SLC26A2: variants seen among roughly 807,000 people sequenced by gnomAD.
SLC26A2 encodes solute carrier family 26 member 2.
SLC26A2 carries 36 observed loss-of-function variants against 41.1 expected under a neutral mutation model. The observed-to-expected ratio is 0.88, with a 90% CI of 0.67 to 1.16. The LOEUF (loss-of-function observed/expected upper bound fraction) is 1.16, where lower values mean the gene tolerates loss of function less well. SLC26A2 is among the 50% of genes most tolerant of loss of function. SLC26A2 has a pLI of 0.00. For missense variants in SLC26A2, 796 were observed against 869.6 expected (o/e 0.92, Z 1.07); for synonymous variants, 291 against 311.6 (o/e 0.93, Z 0.70).
At chr5:149,971,769 TGC>T (rs1368770233) in intron 1 of SLC26A2, among the ~76,000 whole-genome samples, 4 of 152,230 alleles carry the variant, frequency 2.6e-5, no homozygotes, top group Non-Finnish European at 5.9e-5. Context: ...AAATATTAGT[TGC>T]TTTAGTGGAA....
At chr5:149,968,025 T>A (rs1754835988) in intron 1 of SLC26A2, among the ~76,000 whole-genome samples, 1 of 152,072 alleles carries the variant, frequency 6.6e-6, no homozygotes, top group Admixed American at 6.6e-5. Context: ...TTTATTTGTT[T>A]GCATCGTGTC....
chr5:149,961,311 C>G (rs1254125953), intron 1 of SLC26A2, among the ~76,000 whole-genome samples: 1 of 152,190 alleles, frequency 6.6e-6, no homozygotes, highest in African/African-American at 2.4e-5. Context: ...ACCTAGATAT[C>G]TGGAATAGGG....
chr5:149,967,895 A>G (rs1031184700), intron 1 of SLC26A2, among the ~76,000 whole-genome samples: 1 of 151,254 alleles, frequency 6.6e-6, no homozygotes, highest in Non-Finnish European at 1.5e-5. Context: ...GATTATAAGC[A>G]TGAGCCACCC....
intron 1 of SLC26A2, among the ~76,000 whole-genome samples, chr5:149,972,351 A>G (rs2113691832): frequency 6.6e-6 from 1 of 152,334 alleles, no homozygotes; most frequent in African/African-American, 2.4e-5. Flanking sequence ...TAAGTTTCTA[A>G]GAGCTAGAGA....
rs779586318 is a variant in SLC26A2 at position 149,980,281 on chromosome 5, C to A, written c.700-12C>A. On this transcript the variant is annotated splice_polypyrimidine_tract_variant and intron_variant, in intron 2 of 2. Coordinates refer to ENST00000286298, the MANE Select transcript of SLC26A2 (RefSeq NM_000112.4). ...CCATTTATATTTAACACTTCTATATCCTTCCTTCCAGGTAGCGATGGGCTT... is the reference window on the plus strand; with the variant it reads ...CCATTTATATTTAACACTTCTATATACTTCCTTCCAGGTAGCGATGGGCTT... 28 of 1,607,538 alleles carry A rather than the reference C, an allele frequency of 1.7e-5. No homozygotes were observed. The highest frequency in any genetic ancestry group is 2.3e-5 in the Non-Finnish European group (27 of 1,174,024).
chr5:149,980,681 A>G lies in SLC26A2; in HGVS notation c.1088A>G (p.His363Arg). The G allele has an allele frequency of 6.2e-7, 1 of 1,614,126 alleles. No homozygotes were observed. Among genetic ancestry groups the G allele is most frequent in the Non-Finnish European group, 8.5e-7 (1 of 1,180,012 alleles). Reference protein sequence around the residue: ...HENYNSSIAGHIPTGFMPPKV... With the variant: ...HENYNSSIAGRIPTGFMPPKV... Reference sequence around the variant, plus strand: ...AATTATAATTCTAGTATTGCTGGACATATTCCCACTGGGTTTATGCCACCC... The same window carrying G: ...AATTATAATTCTAGTATTGCTGGACGTATTCCCACTGGGTTTATGCCACCC... The change falls in exon 3 of 3, where the codon CAT becomes CGT. Residue 363 changes from histidine (H) to arginine (R), a missense_variant. His to Arg is a conservative substitution (Grantham distance 29). Transcript: ENST00000286298.
chr5:149,961,438 T>G (rs565917499), intron 1 of SLC26A2, among the ~76,000 whole-genome samples: 1 of 152,282 alleles, frequency 6.6e-6, no homozygotes, highest in African/African-American at 2.4e-5. Context: ...AAGTACAAAA[T>G]CAGGACCTGT....
chr5:149,974,142 C>G (rs977618755), intron 1 of SLC26A2, among the ~76,000 whole-genome samples: 1 of 152,178 alleles, frequency 6.6e-6, no homozygotes, highest in Non-Finnish European at 1.5e-5. Flanking sequence ...CAGGGCAAGA[C>G]CCTATTTCTA....
intron 1 of SLC26A2, among the ~76,000 whole-genome samples, chr5:149,974,423 A>G (rs1338008628): frequency 6.6e-6 from 1 of 150,600 alleles, no homozygotes; most frequent in Non-Finnish European, 1.5e-5. Flanking sequence ...TATATTATAT[A>G]TATATGTATT....
At chr5:149,963,556 C>T (rs955139444) in intron 1 of SLC26A2, among the ~76,000 whole-genome samples, 1 of 151,816 alleles carries the variant, frequency 6.6e-6, no homozygotes, top group Admixed American at 6.6e-5. Context: ...GGATTACAAG[C>T]GTGAGCCACC....
chr5:149,979,338 G>T (rs1262384236), intron 2 of SLC26A2, among the ~76,000 whole-genome samples: 3 of 152,102 alleles, frequency 2.0e-5, no homozygotes, highest in African/African-American at 7.2e-5. Context: ...TCAGATGAGT[G>T]GGGAGGGAGA....
At chr5:149,963,124 T>TTTATTTA (rs1561809953) in intron 1 of SLC26A2, among the ~76,000 whole-genome samples, 2 of 112,604 alleles carry the variant, frequency 1.8e-5, no homozygotes, top group Admixed American at 8.4e-5. Context: ...TTATTTATTT[T>TTTATTTA]TTGAGATGGA....
rs35919114 is a variant in SLC26A2, at chr5:149,978,307, A to G, written c.655A>G (p.Ile219Val). ...DRICDKSCYA[I>V]MVGSTVTFIA... is the part of the protein sequence containing the mutation. ...GATATGTGACAAAAGTTGCTATGCA[A>G]TTATGGTTGGCAGCACTGTAACCTT... The change falls in exon 2 of 3, where the codon ATT becomes GTT. Residue 219 changes from isoleucine to valine, a missense_variant. Physicochemically the swap from Ile to Val is conservative, Grantham distance 29. Coordinates refer to ENST00000286298, the MANE Select transcript of SLC26A2 (RefSeq NM_000112.4). 1.3e-3 allele frequency: 2,172 copies of G among 1,613,918 alleles called. 25 individuals are homozygous for G. In the African/African-American group the frequency reaches 0.025, roughly 19 times the overall value.
At position 149,986,770 on chromosome 5, in the gene SLC26A2, G is replaced by A. The variant is rs1755207103; in HGVS notation, c.*4957G>A. Reference sequence around the variant, plus strand: ...ATAGCTAAGCAACTTAAGCCAAAAAGGTCTTTCAACTGAAGCTTTAATCAA... The same window carrying A: ...ATAGCTAAGCAACTTAAGCCAAAAAAGTCTTTCAACTGAAGCTTTAATCAA... On this transcript the variant is annotated 3_prime_UTR_variant, in exon 3 of 3. Transcript: ENST00000286298. 1 of 152,138 alleles carries A rather than the reference G, an allele frequency of 6.6e-6. No individual in the cohort carries two copies. Among genetic ancestry groups the A allele is most frequent in the Non-Finnish European group, 1.5e-5 (1 of 68,018 alleles). The allele number at this position is 152,138 out of a possible 1,614,324, so 9.4% of individuals were successfully genotyped here.
chr5:149,975,363 AT>A (rs1754976073), intron 1 of SLC26A2, among the ~76,000 whole-genome samples: 1 of 152,012 alleles, frequency 6.6e-6, no homozygotes. Context: ...TTCTATGTGA[AT>A]TTTTATCTAT....
In SLC26A2 at chr5:149,982,247, C is replaced by A. The variant is rs934808344; in HGVS notation, c.*434C>A. Reference sequence around the variant, plus strand: ...AGAGGGAAAGAATGTTGCACCTGCTCTAGTACCATAGGTCAAGAGGCTTCT... The same window carrying A: ...AGAGGGAAAGAATGTTGCACCTGCTATAGTACCATAGGTCAAGAGGCTTCT... On this transcript the variant is annotated 3_prime_UTR_variant, in exon 3 of 3. Coordinates refer to ENST00000286298, the MANE Select transcript of SLC26A2 (RefSeq NM_000112.4). The A allele has an allele frequency of 6.2e-6, 1 of 161,966 alleles. No homozygotes were observed. The highest frequency in any genetic ancestry group is 2.4e-5 in the African/African-American group (1 of 41,536). The allele number at this position is 161,966 out of a possible 1,614,324, so 10.0% of individuals were successfully genotyped here. A position where few individuals can be genotyped will look rare whatever the true frequency, so the allele number is the denominator to read the frequency against.
intron 1 of SLC26A2, among the ~76,000 whole-genome samples, chr5:149,975,984 C>A (rs188396367): frequency 6.6e-6 from 1 of 152,050 alleles, no homozygotes. Context: ...ATGGTGAAAC[C>A]CTGTCTCTAC....
Position 149,980,758 on chromosome 5 carries a change from A to G in SLC26A2, c.1165A>G (p.Ile389Val), listed in dbSNP as rs749958812. 6.2e-7 allele frequency: 1 copy of G among 1,613,918 alleles called. No homozygotes were observed. The highest frequency in any genetic ancestry group is 8.5e-7 in the Non-Finnish European group (1 of 1,179,904). The change falls in exon 3 of 3, where the codon ATT (isoleucine) becomes GTT (valine). Residue 389 changes from isoleucine (I) to valine (V), a missense_variant. Physicochemically the swap from Ile to Val is conservative, Grantham distance 29 (BLOSUM62 3). Coordinates refer to ENST00000286298, the MANE Select transcript of SLC26A2 (RefSeq NM_000112.4). The stretch of plus-strand genomic sequence containing the variant: ...TAGTGTGGCTGTAGATGCAATAGCT[A>G]TTTCCATCATTGGTTTTGCTATCAC... ...IPSVAVDAIA[I>V]SIIGFAITVS...
At chr5:149,963,391 G>A (rs931890839) in intron 1 of SLC26A2, among the ~76,000 whole-genome samples, 5 of 151,542 alleles carry the variant, frequency 3.3e-5, no homozygotes, top group Admixed American at 2.0e-4. Context: ...TGATTCTCCT[G>A]CCTCAGCCTC....
Sources: gnomAD v4.1 joint callset for allele counts (sites outside exome capture counted in the v4.1 genomes callset) on GRCh38, gnomAD v4.1.1 for gene constraint, MANE v1.5 for transcripts, NCBI Gene and HGNC (gene_info 2026-07-23, HGNC 2026-07-21) for gene names.